The following FSHR variants were observed in gnomAD, a reference collection of about 807,000 sequenced individuals.
The protein encoded by FSHR is follicle stimulating hormone receptor.
In FSHR, 46 loss-of-function variants were observed where a neutral mutation model predicts 52.1. The ratio of observed to expected loss-of-function variants is 0.88; its 90% CI spans 0.70 to 1.13. FSHR has a LOEUF of 1.13. Ranked by LOEUF, FSHR falls within the 50% of genes most tolerant of loss-of-function variation. FSHR has a pLI of 0.00. For synonymous variants in FSHR, 399 were observed against 309.6 expected (o/e 1.29, Z -3.03); for missense variants, 964 against 834.6 (o/e 1.16, Z -1.91).
chr2:49,069,007 T>C (rs1669624118), intron 1 of FSHR, among the ~76,000 whole-genome samples: 1 of 152,080 alleles, frequency 6.6e-6, no homozygotes, highest in African/African-American at 2.4e-5. Flanking sequence ...CTAAAAAAAG[T>C]CTTCTCTTAA....
chr2:48,985,697 GT>G (rs70946839), intron 6 of FSHR, among the ~76,000 whole-genome samples: 7,932 of 99,448 alleles, frequency 0.08, 1,933 homozygotes, highest in African/African-American at 0.1. Context: ...GCAAGTACAG[GT>G]TTTTTTTTTT....
At chr2:49,145,121 A>G (rs1311043101) in intron 1 of FSHR, among the ~76,000 whole-genome samples, 3 of 152,070 alleles carry the variant, frequency 2.0e-5, no homozygotes, top group African/African-American at 7.2e-5. Context: ...ATAAAATAGT[A>G]TTTATCAATA....
At chr2:49,093,241 T>G (rs2103699312) in intron 1 of FSHR, among the ~76,000 whole-genome samples, 1 of 152,368 alleles carries the variant, frequency 6.6e-6, no homozygotes, top group East Asian at 1.9e-4. Context: ...CATTCTTCTG[T>G]ATCCTTACTG....
At chr2:49,009,325 T>C (rs545479439) in intron 4 of FSHR, among the ~76,000 whole-genome samples, 3,123 of 152,024 alleles carry the variant, frequency 0.021, 97 homozygotes, top group African/African-American at 0.07. Flanking sequence ...TTGTCAAAGA[T>C]CAGATAGTTG....
intron 2 of FSHR, among the ~76,000 whole-genome samples, chr2:49,061,861 ATT>A (rs1669322341): frequency 7.1e-6 from 1 of 140,990 alleles, no homozygotes. Flanking sequence ...AATATAATAT[ATT>A]TATATATATA....
At chr2:49,089,591 A>G (rs555867431) in intron 1 of FSHR, among the ~76,000 whole-genome samples, 23 of 152,320 alleles carry the variant, frequency 1.5e-4, no homozygotes, top group Non-Finnish European at 3.2e-4. Flanking sequence ...ACAAAACAAC[A>G]GCTCATCCAG....
At chr2:49,067,039 A>G (rs925203039) in intron 2 of FSHR, among the ~76,000 whole-genome samples, 4 of 152,090 alleles carry the variant, frequency 2.6e-5, no homozygotes, top group Non-Finnish European at 5.9e-5. Flanking sequence ...TAAACCCGGA[A>G]GATTACAGGT....
chr2:49,125,228 A>G (rs1223759119), intron 1 of FSHR, among the ~76,000 whole-genome samples: 3 of 152,118 alleles, frequency 2.0e-5, no homozygotes, highest in Admixed American at 6.5e-5. Flanking sequence ...GGGATGCTCA[A>G]TCTTTTGGCT....
chr2:49,018,377 G>A (rs1192946449), intron 3 of FSHR, among the ~76,000 whole-genome samples: 1 of 152,156 alleles, frequency 6.6e-6, no homozygotes, highest in African/African-American at 2.4e-5. Flanking sequence ...CATGCTCTCT[G>A]TTAGTTACTT....
intron 4 of FSHR, among the ~76,000 whole-genome samples, chr2:49,002,092 C>T (rs1331180346): frequency 6.6e-6 from 1 of 152,060 alleles, no homozygotes; most frequent in Non-Finnish European, 1.5e-5. Context: ...TTCTGAACCT[C>T]AAGCTTCTGG....
At chr2:49,013,812 C>T (rs564692374) in intron 4 of FSHR, among the ~76,000 whole-genome samples, 2 of 151,962 alleles carry the variant, frequency 1.3e-5, no homozygotes, top group Admixed American at 1.3e-4. Context: ...GAACCTAACC[C>T]TCAATGTGAT....
chr2:48,996,038 A>T (rs1041721225), intron 4 of FSHR, among the ~76,000 whole-genome samples: 6 of 152,060 alleles, frequency 3.9e-5, no homozygotes, highest in African/African-American at 1.4e-4. Flanking sequence ...TTGTGTGTCC[A>T]GTTTATCCTT....
chr2:49,021,855 C>A (rs1225150776), intron 2 of FSHR, among the ~76,000 whole-genome samples: 56 of 36,806 alleles, frequency 1.5e-3, no homozygotes, highest in East Asian at 4.8e-3. Flanking sequence ...CTCTCTCTCT[C>A]TCTCTCTCTA....
chr2:48,997,332 C>A, intron 4 of FSHR: 1 of 985,052 alleles, frequency 1.0e-6, no homozygotes, highest in Non-Finnish European at 1.2e-6. Context: ...TTGTCTCAGT[C>A]TCCATGGAAA....
chr2:49,139,899 C>G (rs1672616786), intron 1 of FSHR, among the ~76,000 whole-genome samples: 1 of 152,042 alleles, frequency 6.6e-6, no homozygotes, highest in Non-Finnish European at 1.5e-5. Flanking sequence ...CACCCAGCCC[C>G]AAGAAATTTT....
chr2:49,049,805 C>T (rs1324951065), intron 2 of FSHR, among the ~76,000 whole-genome samples: 2 of 144,650 alleles, frequency 1.4e-5, no homozygotes, highest in African/African-American at 5.4e-5. Context: ...CTTTATCAGA[C>T]TCATATAGCC....
chr2:49,077,220 G>C (rs1264691125), intron 1 of FSHR, among the ~76,000 whole-genome samples: 2 of 152,228 alleles, frequency 1.3e-5, no homozygotes, highest in African/African-American at 4.8e-5. Context: ...TGAAATCTAG[G>C]TGGAGGTTTC....
intron 1 of FSHR, among the ~76,000 whole-genome samples, chr2:49,090,418 T>A (rs1419891277): frequency 6.6e-6 from 1 of 152,202 alleles, no homozygotes; most frequent in Admixed American, 6.5e-5. Context: ...TTGAGATTCA[T>A]CTGTTTAGTT....
chr2:49,095,131 T>C lies in FSHR; in HGVS notation c.153-26841A>G, dbSNP rs187536249. ...TTCTTGGCAGAAATTGAGAAGTTGATTCTAAAATTTACAAAAATATGCAAG... is the reference window on the plus strand; with the variant it reads ...TTCTTGGCAGAAATTGAGAAGTTGACTCTAAAATTTACAAAAATATGCAAG... On this transcript the variant is annotated intron_variant, in intron 1 of 9. Transcript: ENST00000406846. Among the ~76,000 whole-genome samples the C allele has an allele frequency of 2.5e-3, 384 of 152,236 alleles. 1 individual carries two copies. The highest frequency in any genetic ancestry group is 2.8e-3 in the Non-Finnish European group (190 of 67,984).
Sources: allele counts gnomAD v4.1 joint callset (sites outside exome capture counted in the v4.1 genomes callset), GRCh38; gene constraint gnomAD v4.1.1; transcripts MANE v1.5; gene names NCBI Gene and HGNC (gene_info 2026-07-23, HGNC 2026-07-21).